Variants in MYO1A observed in about 807,000 individuals in gnomAD.
The protein encoded by MYO1A is myosin IA.
Under a neutral mutation model 138.5 loss-of-function variants are expected in MYO1A, and 127 were observed. That is an observed-to-expected ratio of 0.92 (90% CI 0.79 to 1.06). MYO1A has a LOEUF of 1.06. Ranked by LOEUF, MYO1A falls within the 50% of genes least tolerant of loss-of-function variation. The probability of loss-of-function intolerance (pLI) is 0.00; values close to 1 mark genes in which losing one functional copy is unlikely to be tolerated. For synonymous variants in MYO1A, 477 were observed against 497.5 expected, an observed-to-expected ratio of 0.96 and a Z score of 0.55; for missense variants, 1,211 against 1,288.8, an observed-to-expected ratio of 0.94 and a Z score of 0.92.
At chr12:57,041,632 T>C (rs2030865115) in intron 12 of MYO1A, 135 bp from the exon 13 acceptor site, 1 of 759,624 alleles carries the variant, frequency 1.3e-6, no homozygotes, top group African/African-American at 1.7e-5. Flanking sequence ...AAGGAATTGT[T>C]GTGATTTTAC....
chr12:57,047,351 C>T lies in MYO1A; in HGVS notation c.382G>A (p.Val128Met), dbSNP rs2031147113. The change falls in exon 5 of 28, where the codon GTG becomes ATG. Residue 128 changes from valine (V) to methionine (M), a missense_variant. By Grantham distance (21) the Val-to-Met change is conservative. Coordinates refer to ENST00000300119, the MANE Select transcript of MYO1A (RefSeq NM_005379.4). ...AGCAGCTGCTCCTTCACAGAGTTCA[C>T]CTGCTCTCCTTTCCCACAGACGGCA... ...VAAVCGKGEQVNSVKEQLLQS... is the reference protein window; with the variant it reads ...VAAVCGKGEQMNSVKEQLLQS... 1.2e-6 allele frequency: 2 copies of T among 1,614,178 alleles called. No homozygotes were observed. The highest frequency in any genetic ancestry group is 8.5e-7 in the Non-Finnish European group (1 of 1,180,022).
chr12:57,046,766 G>T, intron 7 of MYO1A, 97 bp downstream of exon 7: 1 of 1,522,690 alleles, frequency 6.6e-7, no homozygotes, highest in South Asian at 1.1e-5. Flanking sequence ...AAGTCTCCTT[G>T]ACGTCTAACA....
At chr12:57,029,091 T>G (rs780315728) in intron 27 of MYO1A, 41 bp downstream of exon 27, 22 of 1,613,856 alleles carry the variant, frequency 1.4e-5, no homozygotes, top group Non-Finnish European at 1.9e-5. Flanking sequence ...AGCCTGGCCA[T>G]CTACCGTAAG....
chr12:57,037,741 C>T, intron 18 of MYO1A, 100 bp from the exon 19 acceptor site: 1 of 1,490,690 alleles, frequency 6.7e-7, no homozygotes. Flanking sequence ...AGTGATCATT[C>T]AATTCATTTC....
At chr12:57,039,062 C>T in intron 15 of MYO1A, 53 bp from the exon 16 acceptor site, 5 of 1,587,038 alleles carry the variant, frequency 3.2e-6, no homozygotes, top group Non-Finnish European at 4.3e-6. Context: ...TCCGAGATGT[C>T]CACGTTCTCA....
chr12:57,031,328 G>A (rs943606480), intron 22 of MYO1A, among the ~76,000 whole-genome samples, 154 bp from the exon 23 acceptor site: 16 of 152,126 alleles, frequency 1.1e-4, no homozygotes, highest in African/African-American at 3.9e-4. Flanking sequence ...GTCACCTCTT[G>A]GATCTTTTTC....
intron 23 of MYO1A, 125 bp downstream of exon 23, chr12:57,030,915 T>C (rs2030247152): frequency 1.7e-5 from 20 of 1,146,020 alleles, no homozygotes; most frequent in Non-Finnish European, 2.3e-5. Flanking sequence ...GTAGATTGTA[T>C]GTTATGTATA....
At position 57,038,656 on chromosome 12, in the gene MYO1A, T is replaced by C. The variant is rs576254738; in HGVS notation, c.1534-18A>G. On this transcript the variant is annotated intron_variant, in intron 16 of 27. Coordinates refer to ENST00000300119, the MANE Select transcript of MYO1A (RefSeq NM_005379.4). ...TATGTCACCTGTAAAGGAGCAGCTA[T>C]TGGTTTGGAGACCCCACAACCTTGT... 13 of 1,613,848 alleles carry C rather than the reference T, an allele frequency of 8.1e-6. No individual in the cohort carries two copies. In the African/African-American group the frequency reaches 1.1e-4, roughly 13 times the overall value.
chr12:57,047,724 T>C lies in MYO1A; in HGVS notation c.231-3A>G, dbSNP rs2031173043. 1 of 1,614,076 alleles carries C rather than the reference T, an allele frequency of 6.2e-7. No homozygotes were observed. The highest frequency in any genetic ancestry group is 1.3e-5 in the African/African-American group (1 of 75,018). Reference sequence around the variant, plus strand: ...ACGCCACATTTGCCAATGCGTAGCTTGTGGGGAGGAAGTGGGCAATGACTA... The same window carrying C: ...ACGCCACATTTGCCAATGCGTAGCTCGTGGGGAGGAAGTGGGCAATGACTA... On this transcript the variant is annotated splice_polypyrimidine_tract_variant and splice_region_variant and intron_variant, in intron 3 of 27. Coordinates refer to ENST00000300119, the MANE Select transcript of MYO1A (RefSeq NM_005379.4).
intron 3 of MYO1A, 22 bp downstream of exon 3, chr12:57,047,967 T>G: frequency 6.2e-7 from 1 of 1,604,534 alleles, no homozygotes; most frequent in South Asian, 1.1e-5. Flanking sequence ...CCTGTCAGCC[T>G]TCCCTTGGTC....
intron 22 of MYO1A, 52 bp downstream of exon 22, chr12:57,036,255 C>G: frequency 6.4e-7 from 1 of 1,574,192 alleles, no homozygotes; most frequent in Non-Finnish European, 8.7e-7. Context: ...CTCTCCCAAA[C>G]CTGTGCCTCC....
intron 14 of MYO1A, among the ~76,000 whole-genome samples, chr12:57,040,613 C>A (rs557236618): frequency 1.3e-5 from 2 of 152,284 alleles, no homozygotes; most frequent in Admixed American, 1.3e-4. Flanking sequence ...CTGTTATAAC[C>A]TATTCCTGAG....
chr12:57,046,974 C>A lies in MYO1A; in HGVS notation c.478-48G>T, dbSNP rs191485791. On this transcript the variant is annotated intron_variant, in intron 6 of 27. Transcript: ENST00000300119. The stretch of plus-strand genomic sequence containing the variant: ...GAGACTTAGCTTCTTCCTCTTCTCA[C>A]CACCCTGCCTGGAAGGGGTCTGTGC... The A allele has an allele frequency of 2.5e-6, 4 of 1,611,314 alleles. No individual in the cohort carries two copies. The East Asian group carries it at 6.7e-5, about 27-fold the overall frequency.
rs764124733 is a variant in MYO1A at position 57,048,007 on chromosome 12, T to C, written c.212A>G (p.Tyr71Cys). ...FIAKYQDYTFYELKPHIYALA... is the reference protein window; with the variant it reads ...FIAKYQDYTFCELKPHIYALA... ...TACTCACATATGGGGCTTCAGCTCATAGAAAGTATAGTCTTGATATTTGGC... is the reference window on the plus strand; with the variant it reads ...TACTCACATATGGGGCTTCAGCTCACAGAAAGTATAGTCTTGATATTTGGC... The change falls in exon 3 of 28, where the codon TAT becomes TGT. Residue 71 changes from tyrosine to cysteine, a missense_variant. Physicochemically the swap from Tyr to Cys is radical, Grantham distance 194 (BLOSUM62 -2). Transcript: ENST00000300119. The C allele has an allele frequency of 1.9e-5, 31 of 1,614,074 alleles. No homozygotes were observed. The South Asian group carries it at 3.3e-4, about 17-fold the overall frequency.
Position 57,031,163 on chromosome 12 carries a change from G to A in MYO1A, c.2361C>T (p.Phe787=). The A allele has an allele frequency of 6.2e-7, 1 of 1,614,156 alleles. No homozygotes were observed. Among genetic ancestry groups the A allele is most frequent in the Non-Finnish European group, 8.5e-7 (1 of 1,180,038 alleles). Residue 787 remains phenylalanine, a synonymous_variant, in exon 23 of 28, where the codon TTC becomes TTT. Coordinates refer to ENST00000300119, the MANE Select transcript of MYO1A (RefSeq NM_005379.4). ...DFIYKSMVQK[F]LLGLKNNLPS... ...GCAAATTGTTCTTCAGCCCCAGTAG[G>A]AATTTCTGTACCTAGTTTGGGACCA...
intron 4 of MYO1A, 53 bp from the exon 5 acceptor site, chr12:57,047,460 C>A: frequency 6.4e-7 from 1 of 1,569,332 alleles, no homozygotes; most frequent in Non-Finnish European, 8.8e-7. Context: ...GCCCATCCCC[C>A]CACCTCCTTA....
At position 57,031,113 on chromosome 12, in the gene MYO1A, G is replaced by A. The variant is rs959250479; in HGVS notation, c.2411C>T (p.Thr804Ile). 3.1e-6 allele frequency: 5 copies of A among 1,614,062 alleles called. No homozygotes were observed. The African/African-American group carries it at 5.3e-5, about 17-fold the overall frequency. Reference sequence around the variant, plus strand: ...GCACTTGTAGGGGGCGGCTGGCCATGTCTTGTCTAAGACGTTTGTGGATGG... The same window carrying A: ...GCACTTGTAGGGGGCGGCTGGCCATATCTTGTCTAAGACGTTTGTGGATGG... ...NLPSTNVLDK[T>I]WPAAPYKCLS... Residue 804 changes from threonine (T) to isoleucine (I), a missense_variant, in exon 23 of 28, where the codon ACA (threonine) becomes ATA (isoleucine). By Grantham distance (89) the Thr-to-Ile change is moderately conservative (BLOSUM62 -1). Coordinates refer to ENST00000300119, the MANE Select transcript of MYO1A (RefSeq NM_005379.4).
chr12:57,043,803 G>A (rs2030971370), intron 10 of MYO1A, 53 bp downstream of exon 10: 3 of 1,612,300 alleles, frequency 1.9e-6, no homozygotes, highest in Non-Finnish European at 2.5e-6. Context: ...GACACGACTT[G>A]TAGTAGGAAA....
chr12:57,045,954 C>T (rs575792757), intron 8 of MYO1A, among the ~76,000 whole-genome samples: 12 of 152,290 alleles, frequency 7.9e-5, no homozygotes, highest in African/African-American at 2.6e-4. Flanking sequence ...ATAAGTTCTT[C>T]GAGGACAGGG....
Sources: gnomAD v4.1 joint callset for allele counts (sites outside exome capture counted in the v4.1 genomes callset) on GRCh38, gnomAD v4.1.1 for gene constraint, MANE v1.5 for transcripts, NCBI Gene and HGNC (gene_info 2026-07-23, HGNC 2026-07-21) for gene names.